Variants in PEBP4 observed in about 807,000 individuals in gnomAD.
PEBP4 encodes phosphatidylethanolamine binding protein 4, also known as phosphatidylethanolamine-binding protein 4.
PEBP4 carries 22 observed loss-of-function variants against 23.9 expected under a neutral mutation model. The observed-to-expected ratio is 0.92, with a 90% CI of 0.66 to 1.31. The LOEUF (loss-of-function observed/expected upper bound fraction) is 1.31. Among genes scored for constraint, PEBP4 ranks in the 40% most tolerant of loss-of-function variants. PEBP4 has a pLI of 0.00. For synonymous variants in PEBP4, 112 were observed against 99.3 expected (o/e 1.13, Z -0.76); for missense variants, 324 against 281.7 (o/e 1.15, Z -1.07).
At chr8:22,822,218 G>T (rs1806874219) in intron 3 of PEBP4, among the ~76,000 whole-genome samples, 1 of 152,066 alleles carries the variant, frequency 6.6e-6, no homozygotes, top group Admixed American at 6.6e-5. Flanking sequence ...TGGATTTTAA[G>T]ACCCAGAAGA....
chr8:22,758,776 G>A (rs1303943065), intron 4 of PEBP4, among the ~76,000 whole-genome samples: 1 of 152,222 alleles, frequency 6.6e-6, no homozygotes, highest in East Asian at 1.9e-4. Flanking sequence ...AGGGTCCAGG[G>A]GTGGCCCACC....
intron 3 of PEBP4, among the ~76,000 whole-genome samples, chr8:22,839,853 C>G (rs574993987): frequency 3.5e-4 from 54 of 152,208 alleles, no homozygotes; most frequent in African/African-American, 1.3e-3. Context: ...TACCCCCTCG[C>G]CCAAACCCCA....
intron 3 of PEBP4, among the ~76,000 whole-genome samples, chr8:22,891,989 C>T (rs1367370592): frequency 6.6e-6 from 1 of 151,926 alleles, no homozygotes; most frequent in Non-Finnish European, 1.5e-5. Context: ...AGGAGAATGG[C>T]GTCAACCCGG....
chr8:22,935,017 A>G (rs1809515368), intron 1 of PEBP4, among the ~76,000 whole-genome samples: 1 of 152,256 alleles, frequency 6.6e-6, no homozygotes, highest in Non-Finnish European at 1.5e-5. Flanking sequence ...CAAGAGAAAA[A>G]GAAGGGCATT....
chr8:22,763,010 C>CTTTTTT lies in PEBP4; in HGVS notation c.358-35796_358-35791dup, dbSNP rs34844479. 1.6e-3 allele frequency among the ~76,000 whole-genome samples: 229 copies of CTTTTTT among 146,276 alleles called. 2 individuals carry two copies. The highest frequency in any genetic ancestry group is 5.5e-3 in the African/African-American group (221 of 39,954). ...ATCTTTTCTGAGGGCTGAAAGAAGTCTTTTTTTTTTTTGAGATCGGGTCTT... is the reference window on the plus strand; with the variant it reads ...ATCTTTTCTGAGGGCTGAAAGAAGTCTTTTTTTTTTTTTTTTTTGAGATCGGGTCTT... On this transcript the variant is annotated intron_variant, in intron 4 of 6. Transcript: ENST00000256404.
At chr8:22,748,604 G>A (rs1805180053) in intron 4 of PEBP4, among the ~76,000 whole-genome samples, 1 of 151,902 alleles carries the variant, frequency 6.6e-6, no homozygotes, top group Admixed American at 6.6e-5. Context: ...AGGGTGGTCT[G>A]AGGGGAGAAC....
chr8:22,728,083 A>C (rs1025980696), intron 4 of PEBP4, among the ~76,000 whole-genome samples: 2 of 151,784 alleles, frequency 1.3e-5, no homozygotes, highest in Non-Finnish European at 2.9e-5. Flanking sequence ...GATTAGCGTG[A>C]CTCTTAATTG....
chr8:22,905,758 G>C (rs1808798655), intron 3 of PEBP4, among the ~76,000 whole-genome samples: 1 of 152,210 alleles, frequency 6.6e-6, no homozygotes, highest in South Asian at 2.1e-4. Flanking sequence ...CAGCCTGGCA[G>C]GTTCCTCTCC....
At chr8:22,869,830 A>G (rs1355089675) in intron 3 of PEBP4, among the ~76,000 whole-genome samples, 1 of 152,226 alleles carries the variant, frequency 6.6e-6, no homozygotes, top group Non-Finnish European at 1.5e-5. Context: ...GTCACTAGTG[A>G]ATTGCAAATT....
At chr8:22,917,129 G>GC (rs2128780135) in intron 3 of PEBP4, among the ~76,000 whole-genome samples, 1 of 46,058 alleles carries the variant, frequency 2.2e-5, no homozygotes, top group African/African-American at 1.3e-4. Context: ...GGGCGGGGGA[G>GC]GGGGGGGTGT....
intron 6 of PEBP4, among the ~76,000 whole-genome samples, chr8:22,718,267 G>A (rs1804453322): frequency 6.6e-6 from 1 of 152,168 alleles, no homozygotes; most frequent in African/African-American, 2.4e-5. Flanking sequence ...GCATCCCCTA[G>A]GCCTCCTCCT....
intron 3 of PEBP4, among the ~76,000 whole-genome samples, chr8:22,862,357 C>T (rs189688496): frequency 9.0e-4 from 137 of 152,276 alleles, no homozygotes; most frequent in African/African-American, 3.2e-3. Context: ...AAAAATGGAA[C>T]TGTTCTCCTA....
At chr8:22,903,940 G>A (rs1234191186) in intron 3 of PEBP4, among the ~76,000 whole-genome samples, 2 of 152,196 alleles carry the variant, frequency 1.3e-5, no homozygotes, top group Non-Finnish European at 2.9e-5. Context: ...CTGGGAGTGG[G>A]ACTTTTGCTT....
At chr8:22,914,006 G>A (rs1181944957) in intron 3 of PEBP4, among the ~76,000 whole-genome samples, 1 of 61,412 alleles carries the variant, frequency 1.6e-5, no homozygotes, top group African/African-American at 5.9e-5. Context: ...TTTTTTTTTT[G>A]AGACAGAGTC....
intron 4 of PEBP4, among the ~76,000 whole-genome samples, chr8:22,753,999 G>A (rs1434962533): frequency 4.6e-5 from 7 of 152,198 alleles, no homozygotes; most frequent in African/African-American, 1.7e-4. Flanking sequence ...AAGAAGATGG[G>A]AAAGTCTGAC....
At position 22,862,405 on chromosome 8, in the gene PEBP4, TAATG is replaced by T. The variant is rs1174125935; in HGVS notation, c.259-44674_259-44671del. On this transcript the variant is annotated intron_variant, in intron 3 of 6. Transcript: ENST00000256404. ...TGCCCCAGAAGAGTGATTCAGCGATTAATGTCAGGGTCCCTGATTTCCTCCCTAA... is the reference window on the plus strand; with the variant it reads ...TGCCCCAGAAGAGTGATTCAGCGATTTCAGGGTCCCTGATTTCCTCCCTAA... 5.7e-4 allele frequency among the ~76,000 whole-genome samples: 87 copies of T among 152,260 alleles called. No individual in the cohort carries two copies. The East Asian group carries it at 0.012, about 20-fold the overall frequency.
intron 3 of PEBP4, among the ~76,000 whole-genome samples, chr8:22,900,074 C>T (rs1808681785): frequency 6.6e-6 from 1 of 151,844 alleles, no homozygotes; most frequent in African/African-American, 2.4e-5. Context: ...TTCTTGTCTG[C>T]AAACTGAGGA....
intron 3 of PEBP4, among the ~76,000 whole-genome samples, chr8:22,894,993 T>G (rs908788604): frequency 2.6e-5 from 4 of 152,194 alleles, no homozygotes; most frequent in African/African-American, 9.7e-5. Context: ...GATTTCAGCA[T>G]GGCCAAGGGA....
At chr8:22,854,318 G>T (rs747163428) in intron 3 of PEBP4, among the ~76,000 whole-genome samples, 2 of 152,086 alleles carry the variant, frequency 1.3e-5, no homozygotes, top group Admixed American at 1.3e-4. Context: ...TTTTGCAGAG[G>T]GCTCACCAAA....
Sources: allele counts gnomAD v4.1 joint callset (sites outside exome capture counted in the v4.1 genomes callset), GRCh38; gene constraint gnomAD v4.1.1; transcripts MANE v1.5; gene names NCBI Gene and HGNC (gene_info 2026-07-23, HGNC 2026-07-21).